The following NOX1 variants were observed in gnomAD, a reference collection of about 807,000 sequenced individuals.
NOX1 encodes NADPH oxidase 1.
A neutral mutation model predicts 42.5 loss-of-function variants in NOX1; 34 were observed. The observed-to-expected ratio is 0.80, with a 90% CI of 0.61 to 1.07. The LOEUF is 1.07. Among genes scored for constraint, NOX1 ranks in the 50% least tolerant of loss-of-function variants. The probability of loss-of-function intolerance (pLI) is 0.00; values close to 1 mark genes in which losing one functional copy is unlikely to be tolerated. For synonymous variants in NOX1, 143 were observed against 152.5 expected, an observed-to-expected ratio of 0.94 and a Z score of 0.46; for missense variants, 408 against 427.0, an observed-to-expected ratio of 0.96 and a Z score of 0.39.
At position 100,843,834 on chromosome X, in the gene NOX1, G is replaced by T; in HGVS notation, c.*118C>A. 1.8e-6 allele frequency: 1 copy of T among 558,269 alleles called. No homozygotes were observed. The highest frequency in any genetic ancestry group is 2.8e-6 in the Non-Finnish European group (1 of 359,724). 46.0% of individuals were successfully genotyped at this position (558,269 alleles called of 1,213,427 possible). ...GCAATCAAAAAAAGAATACCAGGGA[G>T]TCAAGGCTTGAGAGGCACATTCTTA... On this transcript the variant is annotated 3_prime_UTR_variant, in exon 13 of 13. Transcript: ENST00000372966.
At position 100,846,596 on chromosome X, in the gene NOX1, T is replaced by C. The variant is rs749005795; in HGVS notation, c.1568+2034A>G. 2.3e-4 allele frequency among the ~76,000 whole-genome samples: 26 copies of C among 110,869 alleles called. No individual in the cohort carries two copies. The South Asian group carries it at 5.5e-3, about 23-fold the overall frequency. ...CCCTTCCCATATAACCTAGGCAGCA[T>C]TCCTTGGTACTCTGTCCCTCGCTAG... On this transcript the variant is annotated intron_variant, in intron 12 of 12. Coordinates refer to ENST00000372966, the MANE Select transcript of NOX1 (RefSeq NM_007052.5).
chrX:100,844,219 T>C, intron 12 of NOX1, 141 bp from the exon 13 acceptor site: 1 of 542,895 alleles, frequency 1.8e-6, no homozygotes, highest in East Asian at 3.8e-5. Flanking sequence ...GGTAGTTTTT[T>C]AACCTTTTCT....
At chrX:100,871,551 T>C (rs1305610416) in intron 1 of NOX1, among the ~76,000 whole-genome samples, 1 of 112,291 alleles carries the variant, frequency 8.9e-6, no homozygotes, top group Non-Finnish European at 1.9e-5. Context: ...TTTTTTCAAA[T>C]TAATCTATTT....
At chrX:100,866,557 ATTTTAC>A (rs1335948171) in intron 2 of NOX1, among the ~76,000 whole-genome samples, 1 of 108,699 alleles carries the variant, frequency 9.2e-6, no homozygotes, top group African/African-American at 3.4e-5. Context: ...AGATTTTCAC[ATTTTAC>A]TTATACACTT....
chrX:100,856,166 G>A (rs1373956996), intron 7 of NOX1: 8 of 922,971 alleles, frequency 8.7e-6, no homozygotes, highest in Non-Finnish European at 1.1e-5. Context: ...CCTTGCGTTC[G>A]TGGCTGCATC....
chrX:100,847,895 A>T (rs998719879), intron 12 of NOX1, among the ~76,000 whole-genome samples: 2 of 110,661 alleles, frequency 1.8e-5, no homozygotes, highest in African/African-American at 6.6e-5. Flanking sequence ...TAGCACCAGG[A>T]TTTTTTGTGC....
intron 8 of NOX1, among the ~76,000 whole-genome samples, 164 bp from the exon 9 acceptor site, chrX:100,850,550 G>A (rs1237699380): frequency 2.7e-5 from 3 of 112,338 alleles, no homozygotes; most frequent in East Asian, 2.8e-4. Flanking sequence ...CAGTGGTTGC[G>A]ATATGGAACC....
intron 7 of NOX1, chrX:100,856,226 T>A: frequency 1.0e-6 from 1 of 989,810 alleles, no homozygotes; most frequent in East Asian, 3.1e-5. Context: ...CCTGGAGCGC[T>A]TGGTGTTTGG....
chrX:100,868,724 A>T (rs184906519), intron 2 of NOX1, among the ~76,000 whole-genome samples: 5,110 of 109,245 alleles, frequency 0.047, 299 homozygotes, highest in African/African-American at 0.16. Context: ...CCTTTTTTTT[A>T]AAAAAAAACC....
At chrX:100,847,657 A>G (rs1188387357) in intron 12 of NOX1, among the ~76,000 whole-genome samples, 1 of 105,518 alleles carries the variant, frequency 9.5e-6, no homozygotes, top group Non-Finnish European at 1.9e-5. Flanking sequence ...TCCCAGCTAC[A>G]TGGGAGGCTG....
chrX:100,856,220 G>C, intron 7 of NOX1: 1 of 997,621 alleles, frequency 1.0e-6, no homozygotes, highest in Non-Finnish European at 1.4e-6. Flanking sequence ...ACAGCCCCTG[G>C]AGCGCTTGGT....
chrX:100,863,699 C>T, intron 2 of NOX1, 104 bp from the exon 3 acceptor site: 1 of 1,077,189 alleles, frequency 9.3e-7, no homozygotes, highest in Non-Finnish European at 1.2e-6. Context: ...ATGAACAGGG[C>T]TACAGCTGCC....
chrX:100,870,417 A>G (rs2085266817), intron 2 of NOX1, among the ~76,000 whole-genome samples: 1 of 111,635 alleles, frequency 9.0e-6, no homozygotes, highest in African/African-American at 3.3e-5. Context: ...GGGTCTGGGT[A>G]GTGTGCCCTA....
At chrX:100,847,562 C>T (rs1295109829) in intron 12 of NOX1, among the ~76,000 whole-genome samples, 1 of 108,913 alleles carries the variant, frequency 9.2e-6, no homozygotes, top group Non-Finnish European at 1.9e-5. Flanking sequence ...GTCAGGAGTT[C>T]GAGATTAGCC....
intron 11 of NOX1, 25 bp downstream of exon 11, chrX:100,849,255 G>T (rs778663240): frequency 5.0e-6 from 6 of 1,200,327 alleles, no homozygotes; most frequent in South Asian, 1.8e-5. Context: ...TTTAGTAGGG[G>T]AATTAGTGTG....
At chrX:100,869,792 G>A (rs1173286451) in intron 2 of NOX1, among the ~76,000 whole-genome samples, 1 of 92,204 alleles carries the variant, frequency 1.1e-5, no homozygotes, top group Non-Finnish European at 2.2e-5. Flanking sequence ...GATATTGGCT[G>A]TGGGTTTGTC....
At chrX:100,851,377 G>T in intron 7 of NOX1, 52 bp from the exon 8 acceptor site, 1 of 685,448 alleles carries the variant, frequency 1.5e-6, no homozygotes, top group African/African-American at 2.2e-5. Context: ...TCTTGTTTAG[G>T]ACTTATTTGT....
At chrX:100,857,120 G>A (rs1309298530) in intron 7 of NOX1, among the ~76,000 whole-genome samples, 1 of 111,856 alleles carries the variant, frequency 8.9e-6, no homozygotes. Flanking sequence ...TTATAAATGA[G>A]AACATGTGAT....
At chrX:100,856,629 G>T (rs2085169351) in intron 7 of NOX1, among the ~76,000 whole-genome samples, 1 of 110,026 alleles carries the variant, frequency 9.1e-6, no homozygotes, top group African/African-American at 3.3e-5. Flanking sequence ...CTGGAGTGCG[G>T]TGGTGCCATC....
Sources: gnomAD v4.1 joint callset for allele counts (sites outside exome capture counted in the v4.1 genomes callset) on GRCh38, gnomAD v4.1.1 for gene constraint, MANE v1.5 for transcripts, NCBI Gene and HGNC (gene_info 2026-07-23, HGNC 2026-07-21) for gene names.